ARHGAP15: variants seen among roughly 807,000 people sequenced by gnomAD.
ARHGAP15 encodes rho GTPase-activating protein 15.
A neutral mutation model predicts 63.7 loss-of-function variants in ARHGAP15; 51 were observed. That is an observed-to-expected ratio of 0.80 (90% CI 0.64 to 1.01). The LOEUF (loss-of-function observed/expected upper bound fraction) is 1.01. Among genes scored for constraint, ARHGAP15 ranks in the 50% least tolerant of loss-of-function variants. The pLI, the probability that ARHGAP15 is intolerant of heterozygous loss-of-function variation, is 0.00. For missense variants in ARHGAP15, 560 were observed against 564.6 expected (o/e 0.99, Z 0.08); for synonymous variants, 191 against 193.8 (o/e 0.99, Z 0.12).
intron 2 of ARHGAP15, among the ~76,000 whole-genome samples, chr2:143,195,456 TC>T (rs569939907): frequency 9.7e-4 from 147 of 152,230 alleles, no homozygotes; most frequent in Non-Finnish European, 1.7e-3. Context: ...TTTACATGTG[TC>T]CACAAATAGT....
At chr2:143,340,108 A>C (rs1194131766) in intron 6 of ARHGAP15, among the ~76,000 whole-genome samples, 1 of 152,140 alleles carries the variant, frequency 6.6e-6, no homozygotes, top group African/African-American at 2.4e-5. Flanking sequence ...TGAAAAAGAC[A>C]AAAAAATAGG....
In ARHGAP15 at chr2:143,213,207, T is replaced by A. The variant is rs6744996; in HGVS notation, c.235-3177T>A. On this transcript the variant is annotated intron_variant, in intron 3 of 13. Transcript: ENST00000295095. ...GTTGAAAAGAATGAATAAGTGTACA[T>A]CAAGTATTAAAAAGACAATGAAAGG... Among the ~76,000 whole-genome samples the A allele has an allele frequency of 2.3e-3, 347 of 152,212 alleles. 2 individuals are homozygous for A. The highest frequency in any genetic ancestry group is 8.0e-3 in the African/African-American group (333 of 41,528).
At chr2:143,228,782 C>G in intron 5 of ARHGAP15, 114 bp downstream of exon 5, 1 of 668,588 alleles carries the variant, frequency 1.5e-6, no homozygotes, top group Non-Finnish European at 2.3e-6. Context: ...CATCTGAAAA[C>G]AGATGGAGAA....
At chr2:143,224,485 C>T (rs950167724) in intron 4 of ARHGAP15, among the ~76,000 whole-genome samples, 30 of 152,042 alleles carry the variant, frequency 2.0e-4, no homozygotes, top group African/African-American at 6.3e-4. Flanking sequence ...GTTTCTATTT[C>T]TTTGTGGGAG....
At chr2:143,386,242 G>T (rs1199043277) in intron 6 of ARHGAP15, among the ~76,000 whole-genome samples, 4 of 152,018 alleles carry the variant, frequency 2.6e-5, no homozygotes, top group Non-Finnish European at 5.9e-5. Flanking sequence ...AGACAAAAAT[G>T]GCCATGGGTT....
intron 13 of ARHGAP15, among the ~76,000 whole-genome samples, chr2:143,749,984 T>A (rs932244197): frequency 6.6e-6 from 1 of 152,186 alleles, no homozygotes; most frequent in African/African-American, 2.4e-5. Flanking sequence ...TTAGCAACTC[T>A]GAGTCCCGGG....
intron 1 of ARHGAP15, among the ~76,000 whole-genome samples, chr2:143,147,446 C>T (rs1283432830): frequency 6.6e-6 from 1 of 151,980 alleles, no homozygotes; most frequent in Admixed American, 6.6e-5. Context: ...ACTTATGCCC[C>T]TTATGGCTCT....
Position 143,731,320 on chromosome 2 carries a change from G to C in ARHGAP15, c.1244+27796G>C, listed in dbSNP as rs1052500032. Among the ~76,000 whole-genome samples the C allele has an allele frequency of 6.6e-5, 10 of 152,084 alleles. No homozygotes were observed. In the South Asian group the frequency reaches 1.2e-3, roughly 19 times the overall value. On this transcript the variant is annotated intron_variant, in intron 13 of 13. Coordinates refer to ENST00000295095, the MANE Select transcript of ARHGAP15 (RefSeq NM_018460.4). ...TTGTTAGATTTTCTGGTTTCCAATG[G>C]GGGTAATTCCATCACAGAGATTCCT...
intron 6 of ARHGAP15, among the ~76,000 whole-genome samples, chr2:143,428,283 G>A (rs1483458374): frequency 6.6e-6 from 1 of 152,056 alleles, no homozygotes; most frequent in East Asian, 1.9e-4. Context: ...AAATCAGTAT[G>A]GCTGGATTGT....
chr2:143,557,147 C>T (rs1695837236), intron 11 of ARHGAP15, among the ~76,000 whole-genome samples: 1 of 151,976 alleles, frequency 6.6e-6, no homozygotes, highest in South Asian at 2.1e-4. Context: ...TGGTACTAAC[C>T]CAAATGAGTT....
Position 143,432,722 on chromosome 2 carries a change from T to C in ARHGAP15, c.475-2879T>C, listed in dbSNP as rs74883720. Reference sequence around the variant, plus strand: ...TAGTATGAAAAAGTTCAAGACAAATTTCCCCAGATGGATACTTAAAGATAT... The same window carrying C: ...TAGTATGAAAAAGTTCAAGACAAATCTCCCCAGATGGATACTTAAAGATAT... On this transcript the variant is annotated intron_variant, in intron 6 of 13. Transcript: ENST00000295095. 8.6e-3 allele frequency among the ~76,000 whole-genome samples: 1,308 copies of C among 152,142 alleles called. 22 individuals are homozygous for C. Among genetic ancestry groups the C allele is most frequent in the African/African-American group, 0.03 (1,250 of 41,558 alleles).
intron 1 of ARHGAP15, among the ~76,000 whole-genome samples, chr2:143,130,737 T>C (rs1688886039): frequency 6.6e-6 from 1 of 152,188 alleles, no homozygotes; most frequent in South Asian, 2.1e-4. Context: ...TGGTGTTCAA[T>C]ACATTTTTTA....
intron 6 of ARHGAP15, among the ~76,000 whole-genome samples, chr2:143,373,674 C>G (rs1450136699): frequency 7.0e-6 from 1 of 141,848 alleles, no homozygotes; most frequent in African/African-American, 2.6e-5. Flanking sequence ...AGAAATGTCT[C>G]AAGCAATATG....
At chr2:143,370,444 C>T (rs1452323704) in intron 6 of ARHGAP15, among the ~76,000 whole-genome samples, 1 of 152,064 alleles carries the variant, frequency 6.6e-6, no homozygotes, top group Non-Finnish European at 1.5e-5. Context: ...CACATGTATA[C>T]ATATGTAACT....
intron 6 of ARHGAP15, among the ~76,000 whole-genome samples, chr2:143,405,422 G>GT (rs1385204453): frequency 6.6e-6 from 1 of 151,536 alleles, no homozygotes; most frequent in Non-Finnish European, 1.5e-5. Context: ...TTTAGTACTT[G>GT]TTTCATCAAC....
intron 8 of ARHGAP15, among the ~76,000 whole-genome samples, chr2:143,460,529 T>C (rs1690884630): frequency 6.6e-6 from 1 of 152,208 alleles, no homozygotes; most frequent in Non-Finnish European, 1.5e-5. Context: ...ATCTGAATAA[T>C]GTTAAATTAG....
At chr2:143,639,757 A>ATT (rs1396366162) in intron 12 of ARHGAP15, among the ~76,000 whole-genome samples, 1 of 152,092 alleles carries the variant, frequency 6.6e-6, no homozygotes, top group African/African-American at 2.4e-5. Context: ...CCAGAAAAGT[A>ATT]TTTTCATGGA....
At chr2:143,464,058 T>C (rs1691087964) in intron 8 of ARHGAP15, among the ~76,000 whole-genome samples, 2 of 152,218 alleles carry the variant, frequency 1.3e-5, no homozygotes, top group Non-Finnish European at 2.9e-5. Flanking sequence ...AACTACCTCT[T>C]ACCCTCTTTT....
intron 2 of ARHGAP15, among the ~76,000 whole-genome samples, chr2:143,165,970 G>GAAAGAAAGAAAGAAAT (rs1690492302): frequency 8.9e-6 from 1 of 112,246 alleles, no homozygotes; most frequent in Non-Finnish European, 1.9e-5. Flanking sequence ...GAGAAAGAAA[G>GAAAGAAAGAAAGAAAT]AAAGAAAGAA....
Sources: gnomAD v4.1 joint callset for allele counts (sites outside exome capture counted in the v4.1 genomes callset) on GRCh38, gnomAD v4.1.1 for gene constraint, MANE v1.5 for transcripts, NCBI Gene and HGNC (gene_info 2026-07-23, HGNC 2026-07-21) for gene names.